The following ARAP2 variants were observed in gnomAD, a reference collection of about 807,000 sequenced individuals.
ARAP2 encodes ArfGAP with RhoGAP domain, ankyrin repeat and PH domain 2.
In ARAP2, 148 loss-of-function variants were observed where a neutral mutation model predicts 194.5. The ratio of observed to expected loss-of-function variants is 0.76; its 90% CI spans 0.67 to 0.87. ARAP2 has a LOEUF of 0.87. Ranked by LOEUF, ARAP2 falls within the 40% of genes least tolerant of loss-of-function variation. ARAP2 has a pLI of 0.00. For synonymous variants in ARAP2, 695 were observed against 683.5 expected, an observed-to-expected ratio of 1.02 and a Z score of -0.26; for missense variants, 2,128 against 1,989.7, an observed-to-expected ratio of 1.07 and a Z score of -1.32.
intron 26 of ARAP2, among the ~76,000 whole-genome samples, chr4:36,113,420 C>A (rs1577932650): frequency 6.6e-6 from 1 of 152,016 alleles, no homozygotes; most frequent in South Asian, 2.1e-4. Context: ...TCACTTATTG[C>A]AACACTCCTA....
chr4:36,181,408 A>T (rs1739211643), intron 8 of ARAP2, among the ~76,000 whole-genome samples: 1 of 152,242 alleles, frequency 6.6e-6, no homozygotes, highest in Admixed American at 6.5e-5. Context: ...AGAATTAAAA[A>T]AAAAAGAGGT....
chr4:36,090,166 G>C (rs1282566590), intron 28 of ARAP2, among the ~76,000 whole-genome samples: 1 of 151,846 alleles, frequency 6.6e-6, no homozygotes, highest in Non-Finnish European at 1.5e-5. Flanking sequence ...GAAGAAATGG[G>C]TATATTCCTG....
chr4:36,024,854 T>C (rs1717625752), intron 5 of ARAP2, among the ~76,000 whole-genome samples: 2 of 152,116 alleles, frequency 1.3e-5, no homozygotes, highest in Admixed American at 6.6e-5. Context: ...TACAATATTA[T>C]ACCAAATGTG....
intron 3 of ARAP2, among the ~76,000 whole-genome samples, chr4:36,050,393 C>A (rs182697067): frequency 2.0e-5 from 3 of 152,176 alleles, no homozygotes; most frequent in East Asian, 3.9e-4. Context: ...TTTTGGAATT[C>A]TCTCGCAAAA....
Position 36,091,994 on chromosome 4 carries a change from C to G in ARAP2, c.4312G>C (p.Glu1438Gln), listed in dbSNP as rs1404055289. 3 of 1,602,262 alleles carry G rather than the reference C, an allele frequency of 1.9e-6. 1 individual carries two copies. The East Asian group carries it at 6.7e-5, about 36-fold the overall frequency. ...TCTTCTTTGATTTTCAAGATTCCTT[C>G]TTTGATGCTTCCCAGTGTACTCCGG... ...SDRSTLGSIK[E>Q]GILKIKEEPS... The change falls in exon 28 of 33, where the codon GAA becomes CAA. Residue 1438 changes from glutamate (E) to glutamine (Q), a missense_variant. Physicochemically the swap from Glu to Gln is conservative, Grantham distance 29 (BLOSUM62 2). Transcript: ENST00000303965.
At chr4:36,087,249 CAT>C (rs1404220650) in intron 28 of ARAP2, among the ~76,000 whole-genome samples, 1 of 152,024 alleles carries the variant, frequency 6.6e-6, no homozygotes, top group East Asian at 1.9e-4. Flanking sequence ...AAAATGAAGT[CAT>C]GTGCTGAAAA....
intron 9 of ARAP2, among the ~76,000 whole-genome samples, chr4:36,008,453 A>T (rs1000199522): frequency 6.6e-6 from 1 of 152,174 alleles, no homozygotes; most frequent in African/African-American, 2.4e-5. Flanking sequence ...ATGACTTCTT[A>T]TTCAGTAAAT....
rs1263014476 is a variant in ARAP2 at position 36,229,131 on chromosome 4, T to C, written c.356A>G (p.Gln119Arg). 7 of 1,614,004 alleles carry C rather than the reference T, an allele frequency of 4.3e-6. No homozygotes were observed. The highest frequency in any genetic ancestry group is 2.2e-5 in the South Asian group (2 of 91,080). Residue 119 changes from glutamine to arginine, a missense_variant, in exon 2 of 33, where the codon CAG (glutamine) becomes CGG (arginine). Coordinates refer to ENST00000303965, the MANE Select transcript of ARAP2 (RefSeq NM_015230.4). ...AAGATTTTTTCTAACAGTCTCCAAC[T>C]GCGGTGGGCTAGATGTCTGAACACT... The part of the protein sequence containing the change: ...SGSVQTSSPP[Q>R]LETVRKNLED...
intron 5 of ARAP2, among the ~76,000 whole-genome samples, chr4:36,027,068 C>G (rs1212580481): frequency 6.6e-6 from 1 of 152,160 alleles, no homozygotes; most frequent in Non-Finnish European, 1.5e-5. Context: ...GTGAACTGGT[C>G]CTTGAATAAT....
chr4:36,083,673 A>G (rs1269625689), intron 28 of ARAP2, among the ~76,000 whole-genome samples: 1 of 152,182 alleles, frequency 6.6e-6, no homozygotes, highest in Non-Finnish European at 1.5e-5. Context: ...TATTCATGTT[A>G]TATACTTGTA....
intron 6 of ARAP2, among the ~76,000 whole-genome samples, chr4:36,201,887 G>A (rs994071223): frequency 6.6e-5 from 10 of 151,968 alleles, no homozygotes; most frequent in Admixed American, 4.6e-4. Context: ...TCTAAGGTGT[G>A]AGAAGCTACC....
chr4:36,058,177 T>C (rs1015540863), intron 1 of ARAP2: 2 of 152,336 alleles, frequency 1.3e-5, no homozygotes, highest in African/African-American at 2.4e-5. Flanking sequence ...AATTTTTGTA[T>C]GCTTAGTATC....
chr4:36,030,682 A>T (rs1396142216), intron 5 of ARAP2, among the ~76,000 whole-genome samples: 1 of 151,918 alleles, frequency 6.6e-6, no homozygotes, highest in African/African-American at 2.4e-5. Flanking sequence ...TGTATTTTTA[A>T]TTGAATCTAT....
At chr4:36,228,340 G>A (rs1750765985) in intron 2 of ARAP2, among the ~76,000 whole-genome samples, 1 of 152,178 alleles carries the variant, frequency 6.6e-6, no homozygotes, top group South Asian at 2.1e-4. Context: ...GTAGAATTAA[G>A]GGAAGGGATG....
chr4:36,010,451 A>G (rs1470654139), intron 9 of ARAP2, among the ~76,000 whole-genome samples: 1 of 151,992 alleles, frequency 6.6e-6, no homozygotes, highest in African/African-American at 2.4e-5. Context: ...TCTACTGCCT[A>G]TTTGTACATT....
intron 11 of ARAP2, among the ~76,000 whole-genome samples, chr4:36,163,996 G>A (rs113261865): frequency 2.0e-5 from 3 of 152,354 alleles, no homozygotes; most frequent in African/African-American, 4.8e-5. Flanking sequence ...TCCTGTGACT[G>A]CACTACTCAC....
intron 9 of ARAP2, among the ~76,000 whole-genome samples, chr4:36,169,168 T>C (rs1241272419): frequency 6.6e-6 from 1 of 152,316 alleles, no homozygotes; most frequent in East Asian, 1.9e-4. Context: ...TTAGAATAAA[T>C]AAATAAACTC....
At chr4:36,075,086 T>TA (rs1344321523) in intron 31 of ARAP2, among the ~76,000 whole-genome samples, 1 of 152,036 alleles carries the variant, frequency 6.6e-6, no homozygotes, top group Non-Finnish European at 1.5e-5. Context: ...CAAACATGGT[T>TA]AAAAAAAGCA....
chr4:36,096,089 C>T (rs976448150), intron 27 of ARAP2, among the ~76,000 whole-genome samples: 2 of 151,902 alleles, frequency 1.3e-5, no homozygotes, highest in African/African-American at 4.8e-5. Context: ...TCTTTCCAGG[C>T]ACGGTGGCTC....
Sources: gnomAD v4.1 joint callset for allele counts (sites outside exome capture counted in the v4.1 genomes callset) on GRCh38, gnomAD v4.1.1 for gene constraint, MANE v1.5 for transcripts, NCBI Gene and HGNC (gene_info 2026-07-23, HGNC 2026-07-21) for gene names.